Variants in UBA3 observed in about 807,000 individuals in gnomAD.
UBA3 encodes the protein NEDD8-activating enzyme E1 catalytic subunit.
A neutral mutation model predicts 73.5 loss-of-function variants in UBA3; 26 were observed. The ratio of observed to expected loss-of-function variants is 0.35; its 90% CI spans 0.26 to 0.49. UBA3 has a LOEUF of 0.49. Ranked by LOEUF, UBA3 falls within the 20% of genes least tolerant of loss-of-function variation. UBA3 has a pLI of 0.98. For missense variants in UBA3, 495 were observed against 555.6 expected (o/e 0.89, Z 1.10); for synonymous variants, 217 against 191.2 (o/e 1.13, Z -1.11).
At position 69,063,175 on chromosome 3, in the gene UBA3, G is replaced by A. The variant is rs368506070; in HGVS notation, c.538-38C>T. ...TTTGAAGGGCTTTAAAGGAGAAGGG[G>A]ATAAGAATTCAAAAGAAGAAGTATG... On this transcript the variant is annotated intron_variant, in intron 8 of 17. Transcript: ENST00000361055. 4.4e-6 allele frequency: 7 copies of A among 1,606,246 alleles called. No individual in the cohort carries two copies. The East Asian group carries it at 1.6e-4, about 36-fold the overall frequency.
chr3:69,066,197 C>A (rs2092070258), intron 6 of UBA3, among the ~76,000 whole-genome samples: 1 of 152,094 alleles, frequency 6.6e-6, no homozygotes, highest in African/African-American at 2.4e-5. Context: ...CACTACATTG[C>A]CCAGGCTGGA....
In UBA3 at chr3:69,055,930, TAA is replaced by T. The variant is rs759751486; in HGVS notation, c.1249-27_1249-26del. 4.3e-3 allele frequency: 6,928 copies of T among 1,604,086 alleles called. 30 individuals are homozygous for T. Among genetic ancestry groups the T allele is most frequent in the Non-Finnish European group, 5.5e-3 (6,471 of 1,175,390 alleles). ...ACTAGAAAACAAAATTACTTTAATG[TAA>T]GACACATTAAAGTAAAATAAAACTT... On this transcript the variant is annotated intron_variant, in intron 16 of 17. Coordinates refer to ENST00000361055, the MANE Select transcript of UBA3 (RefSeq NM_003968.4).
At chr3:69,069,814 G>A (rs2092107000) in intron 5 of UBA3, among the ~76,000 whole-genome samples, 1 of 152,212 alleles carries the variant, frequency 6.6e-6, no homozygotes, top group Non-Finnish European at 1.5e-5. Flanking sequence ...GGATAAAGTA[G>A]ACTTCTAAGA....
rs368333207 is a variant in UBA3 at position 69,057,924 on chromosome 3, C to CTTTTT, written c.911-620_911-616dup. Reference sequence around the variant, plus strand: ...TTCTCTACTTCAACCCCACATTTTTCTTTTTTTTTTTTTTTTTTTGAGACA... The same window carrying CTTTTT: ...TTCTCTACTTCAACCCCACATTTTTCTTTTTTTTTTTTTTTTTTTTTTTTGAGACA... On this transcript the variant is annotated intron_variant, in intron 11 of 17. Transcript: ENST00000361055. Among the ~76,000 whole-genome samples, 43 of 115,466 alleles carry CTTTTT rather than the reference C, an allele frequency of 3.7e-4. 1 individual carries two copies. Among genetic ancestry groups the CTTTTT allele is most frequent in the African/African-American group, 8.0e-4 (24 of 29,892 alleles). The allele number at this position is 115,466 out of a possible 152,430, so 75.8% of individuals were successfully genotyped here.
rs2092206540 is a variant in UBA3, at chr3:69,080,164, G to A, written c.21-11C>T. On this transcript the variant is annotated splice_polypyrimidine_tract_variant and intron_variant, in intron 1 of 17. Transcript: ENST00000361055. ...CTTCTTTTCTTCTCCCTAAAAGAGA[G>A]AATAAAAGAAGGGTCAGCATCGCGC... 2 of 1,592,618 alleles carry A rather than the reference G, an allele frequency of 1.3e-6. No homozygotes were observed. The highest frequency in any genetic ancestry group is 8.6e-7 in the Non-Finnish European group (1 of 1,169,134).
chr3:69,075,973 C>T (rs1211795401), intron 3 of UBA3, among the ~76,000 whole-genome samples: 1 of 152,042 alleles, frequency 6.6e-6, no homozygotes, highest in Admixed American at 6.5e-5. Flanking sequence ...TCAAGTGATC[C>T]GCCCGCCTCA....
intron 17 of UBA3, 94 bp downstream of exon 17, chr3:69,055,757 G>T: frequency 8.3e-7 from 1 of 1,203,958 alleles, no homozygotes; most frequent in Non-Finnish European, 1.2e-6. Flanking sequence ...CATATACAAG[G>T]CATTAAGAGG....
intron 3 of UBA3, among the ~76,000 whole-genome samples, chr3:69,076,862 G>C (rs957888320): frequency 6.6e-6 from 1 of 151,486 alleles, no homozygotes; most frequent in Non-Finnish European, 1.5e-5. Context: ...CAAAGTGCTG[G>C]GATTACAGGC....
chr3:69,068,533 G>A (rs1372051718), intron 5 of UBA3, among the ~76,000 whole-genome samples: 10 of 140,862 alleles, frequency 7.1e-5, no homozygotes, highest in African/African-American at 1.9e-4. Context: ...TCACTGGACC[G>A]TATATAAAAT....
intron 14 of UBA3, 44 bp from the exon 15 acceptor site, chr3:69,056,327 A>G (rs377252360): frequency 1.5e-6 from 2 of 1,365,454 alleles, no homozygotes; most frequent in East Asian, 2.3e-5. Flanking sequence ...ACATGCACCA[A>G]TATTAGTCTC....
intron 5 of UBA3, 62 bp downstream of exon 5, chr3:69,071,473 G>T: frequency 1.1e-6 from 1 of 888,630 alleles, no homozygotes; most frequent in Non-Finnish European, 1.7e-6. Flanking sequence ...AAACTGCAAT[G>T]TACAAGTTCA....
chr3:69,063,760 C>T (rs2092043078), intron 7 of UBA3, among the ~76,000 whole-genome samples: 1 of 151,610 alleles, frequency 6.6e-6, no homozygotes. Flanking sequence ...TTGCAGAAAA[C>T]AATTTGCACG....
chr3:69,063,197 T>G, intron 8 of UBA3, 60 bp from the exon 9 acceptor site: 1 of 1,594,066 alleles, frequency 6.3e-7, no homozygotes, highest in Non-Finnish European at 8.6e-7. Context: ...AAAGAAGAAG[T>G]ATGCTTTCAA....
At chr3:69,077,679 GTTTCACAAAACAATTTTATTAGTAT>G in intron 3 of UBA3, 94 bp downstream of exon 3, 1 of 1,145,842 alleles carries the variant, frequency 8.7e-7, no homozygotes, top group Non-Finnish European at 1.2e-6. Flanking sequence ...GAAAAATTTA[GTTTCACAAAACAATTTTATTAGTAT>G]TTTCATTGTA....
At chr3:69,078,863 G>A (rs2092193480) in intron 2 of UBA3, among the ~76,000 whole-genome samples, 1 of 152,160 alleles carries the variant, frequency 6.6e-6, no homozygotes, top group South Asian at 2.1e-4. Flanking sequence ...TTACGCCACA[G>A]ATAGACATCT....
Position 69,063,141 on chromosome 3 carries a change from G to C in UBA3, c.538-4C>G, listed in dbSNP as rs1208170542. ...CTTCATAATTTAGAAGAGATATCTAGGAAAACAATTTGAAGGGCTTTAAAG... is the reference window on the plus strand; with the variant it reads ...CTTCATAATTTAGAAGAGATATCTACGAAAACAATTTGAAGGGCTTTAAAG... On this transcript the variant is annotated splice_polypyrimidine_tract_variant and splice_region_variant and intron_variant, in intron 8 of 17. Coordinates refer to ENST00000361055, the MANE Select transcript of UBA3 (RefSeq NM_003968.4). 1.7e-5 allele frequency: 28 copies of C among 1,613,320 alleles called. No homozygotes were observed. The highest frequency in any genetic ancestry group is 2.4e-5 in the Non-Finnish European group (28 of 1,179,742).
intron 6 of UBA3, among the ~76,000 whole-genome samples, chr3:69,065,029 C>G (rs995179098): frequency 2.0e-5 from 3 of 152,040 alleles, no homozygotes; most frequent in African/African-American, 7.2e-5. Context: ...TCATTCAGAC[C>G]TCTATTCCCT....
chr3:69,060,066 G>A (rs553683068), intron 11 of UBA3, among the ~76,000 whole-genome samples: 1 of 152,294 alleles, frequency 6.6e-6, no homozygotes, highest in East Asian at 1.9e-4. Flanking sequence ...AAACCTAAAA[G>A]GGCCTGGCCA....
intron 5 of UBA3, among the ~76,000 whole-genome samples, chr3:69,070,388 T>C (rs1226354005): frequency 1.3e-5 from 2 of 152,240 alleles, no homozygotes; most frequent in Non-Finnish European, 2.9e-5. Context: ...AGAGGTTTTA[T>C]GCCTATCCAA....
Sources: gnomAD v4.1 joint callset for allele counts (sites outside exome capture counted in the v4.1 genomes callset) on GRCh38, gnomAD v4.1.1 for gene constraint, MANE v1.5 for transcripts, NCBI Gene and HGNC (gene_info 2026-07-23, HGNC 2026-07-21) for gene names.